The following CNTNAP5 variants were observed in gnomAD, a reference collection of about 807,000 sequenced individuals.
CNTNAP5 encodes contactin-associated protein-like 5.
Under a neutral mutation model 150.2 loss-of-function variants are expected in CNTNAP5, and 72 were observed. The observed-to-expected ratio is 0.48, with a 90% CI of 0.40 to 0.58. The LOEUF (loss-of-function observed/expected upper bound fraction) is 0.58. Among genes scored for constraint, CNTNAP5 ranks in the 20% least tolerant of loss-of-function variants. The probability of loss-of-function intolerance (pLI) is 0.00; values close to 1 mark genes in which losing one functional copy is unlikely to be tolerated. For missense variants in CNTNAP5, 1,636 were observed against 1,626.2 expected (o/e 1.01, Z -0.10); for synonymous variants, 672 against 619.8 (o/e 1.08, Z -1.25).
At chr2:124,142,366 C>A (rs1684137119) in intron 1 of CNTNAP5, among the ~76,000 whole-genome samples, 1 of 150,690 alleles carries the variant, frequency 6.6e-6, no homozygotes, top group Admixed American at 6.6e-5. Context: ...CACACCTATT[C>A]CAAAATTGAC....
intron 3 of CNTNAP5, among the ~76,000 whole-genome samples, chr2:124,306,787 G>T (rs1263799011): frequency 7.0e-6 from 1 of 142,832 alleles, no homozygotes; most frequent in Non-Finnish European, 1.5e-5. Context: ...GAGTTCAGTG[G>T]CATAATCTTG....
intron 3 of CNTNAP5, among the ~76,000 whole-genome samples, chr2:124,373,317 T>A (rs544431587): frequency 1.1e-4 from 17 of 152,266 alleles, no homozygotes; most frequent in African/African-American, 3.8e-4. Flanking sequence ...TCTCATCCAT[T>A]GAAAGGATCC....
At chr2:124,474,975 T>C (rs1170623737) in intron 7 of CNTNAP5, 93 bp downstream of exon 7, 3 of 1,070,076 alleles carry the variant, frequency 2.8e-6, no homozygotes, top group East Asian at 2.8e-5. Flanking sequence ...ATTCGTAATG[T>C]GTTTATCTTA....
intron 11 of CNTNAP5, among the ~76,000 whole-genome samples, chr2:124,589,599 A>T (rs925956934): frequency 9.2e-5 from 14 of 152,310 alleles, no homozygotes; most frequent in Admixed American, 4.6e-4. Context: ...GACATAATTT[A>T]TAGTAAACTT....
chr2:124,827,469 T>C (rs1209400347), intron 19 of CNTNAP5, among the ~76,000 whole-genome samples: 1 of 152,160 alleles, frequency 6.6e-6, no homozygotes, highest in African/African-American at 2.4e-5. Flanking sequence ...CTTCTAAATC[T>C]GATGTTTTGT....
chr2:124,296,897 C>T lies in CNTNAP5; in HGVS notation c.381+54504C>T, dbSNP rs189604602. 5.4e-4 allele frequency among the ~76,000 whole-genome samples: 82 copies of T among 152,220 alleles called. 1 individual carries two copies. In the East Asian group the frequency reaches 0.014, roughly 26 times the overall value. ...AAGGGCTCTCTGCCACTCAACAGTC[C>T]CCAGCCTGCAGCCGTTCTGCAATCC... On this transcript the variant is annotated intron_variant, in intron 3 of 23. Coordinates refer to ENST00000682447, the MANE Select transcript of CNTNAP5 (RefSeq NM_001367498.1).
intron 1 of CNTNAP5, among the ~76,000 whole-genome samples, chr2:124,067,211 C>T (rs1682183222): frequency 6.6e-6 from 1 of 152,186 alleles, no homozygotes; most frequent in East Asian, 1.9e-4. Flanking sequence ...GCATAACAAA[C>T]TGCCACCAAC....
At chr2:124,864,053 A>T (rs1184298316) in intron 19 of CNTNAP5, among the ~76,000 whole-genome samples, 1 of 152,194 alleles carries the variant, frequency 6.6e-6, no homozygotes, top group Admixed American at 6.5e-5. Flanking sequence ...GACAGCAAGC[A>T]GCATGCAGTT....
At chr2:124,789,016 G>GA (rs1377668350) in intron 17 of CNTNAP5, among the ~76,000 whole-genome samples, 2 of 152,150 alleles carry the variant, frequency 1.3e-5, no homozygotes, top group African/African-American at 4.8e-5. Context: ...CTGAGGCTTA[G>GA]GTAATTCCAT....
intron 20 of CNTNAP5, among the ~76,000 whole-genome samples, chr2:124,869,269 A>G (rs1031327335): frequency 5.3e-5 from 8 of 151,836 alleles, no homozygotes; most frequent in Non-Finnish European, 1.0e-4. Flanking sequence ...GGCCCTAAGG[A>G]CAAACAGAGA....
intron 13 of CNTNAP5, among the ~76,000 whole-genome samples, chr2:124,705,509 C>CAG (rs34819347): frequency 0.16 from 24,477 of 151,590 alleles, 2,241 homozygotes; most frequent in East Asian, 0.24. Flanking sequence ...GCCTGAGTGA[C>CAG]AGAGAGAGAC....
intron 13 of CNTNAP5, among the ~76,000 whole-genome samples, chr2:124,669,663 C>A (rs552445662): frequency 1.1e-4 from 17 of 152,356 alleles, no homozygotes; most frequent in Non-Finnish European, 1.9e-4. Flanking sequence ...TCCTGATCTT[C>A]TTCCTCCAAA....
intron 3 of CNTNAP5, among the ~76,000 whole-genome samples, chr2:124,408,876 G>A (rs1468249475): frequency 5.3e-5 from 8 of 152,330 alleles, no homozygotes; most frequent in African/African-American, 1.9e-4. Flanking sequence ...ACGGAACAAA[G>A]CTGGATGGAG....
At chr2:124,139,125 T>TC (rs1684045276) in intron 1 of CNTNAP5, among the ~76,000 whole-genome samples, 2 of 152,102 alleles carry the variant, frequency 1.3e-5, no homozygotes, top group African/African-American at 4.8e-5. Context: ...GAGTTTTTTT[T>TC]TCCCCCATAA....
At chr2:124,778,452 G>A (rs574304493) in intron 17 of CNTNAP5, 9 of 152,748 alleles carry the variant, frequency 5.9e-5, no homozygotes, top group Admixed American at 2.6e-4. Context: ...CCAAAGCTTC[G>A]TCTACCTTTT....
chr2:124,038,103 A>G (rs1306183174), intron 1 of CNTNAP5, among the ~76,000 whole-genome samples: 1 of 152,158 alleles, frequency 6.6e-6, no homozygotes, highest in Non-Finnish European at 1.5e-5. Flanking sequence ...AGGTTTGACA[A>G]GTGTATACCC....
chr2:124,713,243 C>CTTCCTTTCTT (rs1280851827), intron 13 of CNTNAP5, among the ~76,000 whole-genome samples: 2 of 65,162 alleles, frequency 3.1e-5, no homozygotes, highest in African/African-American at 1.2e-4. Context: ...TTCTTTCTTT[C>CTTCCTTTCTT]TCTTTCTTTC....
At chr2:124,422,970 T>C (rs1692143682) in intron 4 of CNTNAP5, among the ~76,000 whole-genome samples, 1 of 152,200 alleles carries the variant, frequency 6.6e-6, no homozygotes, top group African/African-American at 2.4e-5. Context: ...CAAACATCAC[T>C]TCATTCTTAG....
chr2:124,069,415 T>A (rs1297720237), intron 1 of CNTNAP5, among the ~76,000 whole-genome samples: 1 of 152,146 alleles, frequency 6.6e-6, no homozygotes, highest in Non-Finnish European at 1.5e-5. Flanking sequence ...CTGGGGGAAC[T>A]TGCCACCCTG....
Sources: gnomAD v4.1 joint callset for allele counts (sites outside exome capture counted in the v4.1 genomes callset) on GRCh38, gnomAD v4.1.1 for gene constraint, MANE v1.5 for transcripts, NCBI Gene and HGNC (gene_info 2026-07-23, HGNC 2026-07-21) for gene names.